Variants in KLHL1 observed in about 807,000 individuals in gnomAD.
The protein encoded by KLHL1 is kelch like family member 1.
Under a neutral mutation model 77.7 loss-of-function variants are expected in KLHL1, and 47 were observed. That is an observed-to-expected ratio of 0.60 (90% CI 0.48 to 0.77). The LOEUF (loss-of-function observed/expected upper bound fraction) is 0.77, where lower values mean the gene tolerates loss of function less well. KLHL1 is among the 30% of genes least tolerant of loss of function. The pLI is 0.00. For missense variants in KLHL1, 925 were observed against 910.8 expected (o/e 1.02, Z -0.20); for synonymous variants, 360 against 325.2 (o/e 1.11, Z -1.15).
intron 3 of KLHL1, among the ~76,000 whole-genome samples, chr13:69,948,703 A>G (rs1262363262): frequency 6.6e-6 from 1 of 152,052 alleles, no homozygotes; most frequent in Admixed American, 6.6e-5. Context: ...TGAAGTTTAT[A>G]GAAGAATATG....
chr13:69,703,823 T>C (rs1039667350), intron 10 of KLHL1, among the ~76,000 whole-genome samples: 3 of 151,724 alleles, frequency 2.0e-5, no homozygotes, highest in African/African-American at 7.2e-5. Context: ...AGCAATAGGT[T>C]ATATCATACA....
intron 1 of KLHL1, among the ~76,000 whole-genome samples, chr13:70,078,594 T>C (rs1206458046): frequency 6.6e-6 from 1 of 152,116 alleles, no homozygotes; most frequent in Non-Finnish European, 1.5e-5. Flanking sequence ...TAATAAGATC[T>C]GAGATCTTGT....
At chr13:69,951,287 A>G (rs1883699596) in intron 3 of KLHL1, among the ~76,000 whole-genome samples, 1 of 151,562 alleles carries the variant, frequency 6.6e-6, no homozygotes, top group Non-Finnish European at 1.5e-5. Context: ...GACAAAAGCC[A>G]TAACTTGGCT....
chr13:69,769,983 C>T (rs994143562), intron 7 of KLHL1, among the ~76,000 whole-genome samples: 1 of 152,038 alleles, frequency 6.6e-6, no homozygotes, highest in Admixed American at 6.5e-5. Flanking sequence ...CTTCTGGGTC[C>T]CCAGACCCCA....
At chr13:69,980,135 C>G (rs1884665922) in intron 1 of KLHL1, among the ~76,000 whole-genome samples, 1 of 152,198 alleles carries the variant, frequency 6.6e-6, no homozygotes, top group South Asian at 2.1e-4. Context: ...ATTCTTTACT[C>G]TCTCTGTACC....
intron 1 of KLHL1, among the ~76,000 whole-genome samples, chr13:70,028,613 T>C (rs941162131): frequency 6.6e-6 from 1 of 152,136 alleles, no homozygotes; most frequent in Non-Finnish European, 1.5e-5. Flanking sequence ...AAATGCAATG[T>C]TGTCTCAGAG....
chr13:69,848,484 A>G (rs759524966), intron 5 of KLHL1, among the ~76,000 whole-genome samples: 4 of 151,516 alleles, frequency 2.6e-5, no homozygotes, highest in Non-Finnish European at 5.9e-5. Flanking sequence ...GAATCTTGAA[A>G]TTTTAAGAGA....
intron 1 of KLHL1, among the ~76,000 whole-genome samples, chr13:70,084,075 A>T (rs372054939): frequency 6.6e-6 from 1 of 152,344 alleles, no homozygotes; most frequent in Non-Finnish European, 1.5e-5. Context: ...CAAAAACTAC[A>T]GTTAATATTA....
At chr13:70,082,315 A>T (rs796430245) in intron 1 of KLHL1, among the ~76,000 whole-genome samples, 46 of 10,450 alleles carry the variant, frequency 4.4e-3, no homozygotes, top group African/African-American at 0.013. Flanking sequence ...GACCTGTCAC[A>T]CACACACACA....
At chr13:70,042,585 G>T (rs369097139) in intron 1 of KLHL1, among the ~76,000 whole-genome samples, 1 of 151,902 alleles carries the variant, frequency 6.6e-6, no homozygotes, top group African/African-American at 2.4e-5. Flanking sequence ...ATACTGCACC[G>T]CCAGCTCTAT....
intron 9 of KLHL1, among the ~76,000 whole-genome samples, chr13:69,711,725 T>C (rs761226779): frequency 2.0e-5 from 3 of 152,106 alleles, no homozygotes; most frequent in Non-Finnish European, 4.4e-5. Flanking sequence ...ATATTAGCAA[T>C]GGGATTTCTG....
Position 69,851,293 on chromosome 13 carries a change from C to T in KLHL1, c.1228-12131G>A, listed in dbSNP as rs149974618. ...GCAGATTTATCATGAGAAACTACTA[C>T]GCTTCCTTTAGTTCTTTTACAAAAT... On this transcript the variant is annotated intron_variant, in intron 5 of 10. Transcript: ENST00000377844. Among the ~76,000 whole-genome samples, 268 of 151,794 alleles carry T rather than the reference C, an allele frequency of 1.8e-3. 1 individual carries two copies. Among genetic ancestry groups the T allele is most frequent in the African/African-American group, 5.2e-3 (217 of 41,494 alleles).
intron 7 of KLHL1, among the ~76,000 whole-genome samples, chr13:69,786,660 A>T (rs917156642): frequency 1.3e-5 from 2 of 152,190 alleles, no homozygotes; most frequent in African/African-American, 4.8e-5. Flanking sequence ...TGGCCAGGTC[A>T]ATTAGGCAGG....
At chr13:69,818,510 C>T (rs769047285) in intron 6 of KLHL1, among the ~76,000 whole-genome samples, 67 of 152,070 alleles carry the variant, frequency 4.4e-4, no homozygotes, top group Admixed American at 2.2e-3. Context: ...TGAGCCACCA[C>T]GCCCGGCCAG....
At chr13:69,749,552 T>C (rs1874379917) in intron 7 of KLHL1, among the ~76,000 whole-genome samples, 1 of 152,034 alleles carries the variant, frequency 6.6e-6, no homozygotes, top group South Asian at 2.1e-4. Flanking sequence ...GTTTTTAAGA[T>C]AGTTTATTGA....
chr13:69,801,602 A>G (rs1447235814), intron 6 of KLHL1, among the ~76,000 whole-genome samples: 1 of 152,144 alleles, frequency 6.6e-6, no homozygotes, highest in Non-Finnish European at 1.5e-5. Flanking sequence ...ATCGTAAAGT[A>G]TCTTAACCTG....
intron 1 of KLHL1, among the ~76,000 whole-genome samples, chr13:70,104,579 G>A (rs1265414705): frequency 1.3e-5 from 2 of 152,068 alleles, no homozygotes; most frequent in Non-Finnish European, 2.9e-5. Flanking sequence ...TAAAGATAAT[G>A]TCAGAGAAAG....
At chr13:69,791,416 G>A (rs1326411254) in intron 7 of KLHL1, among the ~76,000 whole-genome samples, 4 of 151,832 alleles carry the variant, frequency 2.6e-5, no homozygotes, top group Non-Finnish European at 5.9e-5. Flanking sequence ...CCCTTTTGTA[G>A]AAATTGATAA....
intron 3 of KLHL1, among the ~76,000 whole-genome samples, chr13:69,955,139 A>T (rs189729460): frequency 3.2e-4 from 48 of 151,448 alleles, no homozygotes; most frequent in Admixed American, 1.6e-3. Context: ...TGCCACTTGA[A>T]TTAAACCAGT....
Sources: gnomAD v4.1 joint callset for allele counts (sites outside exome capture counted in the v4.1 genomes callset) on GRCh38, gnomAD v4.1.1 for gene constraint, MANE v1.5 for transcripts, NCBI Gene and HGNC (gene_info 2026-07-23, HGNC 2026-07-21) for gene names.